PPP1R9A: variants seen among roughly 807,000 people sequenced by gnomAD.
The protein encoded by PPP1R9A is protein phosphatase 1 regulatory subunit 9A.
Under a neutral mutation model 141.9 loss-of-function variants are expected in PPP1R9A, and 59 were observed. The ratio of observed to expected loss-of-function variants is 0.42; its 90% confidence interval spans 0.34 to 0.52. The LOEUF is 0.52. Among genes scored for constraint, PPP1R9A ranks in the 20% least tolerant of loss-of-function variants. PPP1R9A has a pLI of 0.10. For missense variants in PPP1R9A, 1,444 were observed against 1,611.9 expected, an observed-to-expected ratio of 0.90 and a Z score of 1.78; for synonymous variants, 500 against 569.7, an observed-to-expected ratio of 0.88 and a Z score of 1.74.
chr7:94,961,445 G>A (rs551652994), intron 2 of PPP1R9A, among the ~76,000 whole-genome samples: 3 of 151,506 alleles, frequency 2.0e-5, no homozygotes, highest in East Asian at 1.9e-4. Context: ...TCATCGGGCC[G>A]GACAAATTCA....
chr7:95,273,180 A>G lies in PPP1R9A; in HGVS notation c.3125-719A>G, dbSNP rs117865523. On this transcript the variant is annotated intron_variant, in intron 14 of 19. Transcript: ENST00000433360. ...TGCTACCTTTGAGAGTCCTAGAGGC[A>G]AAGATCAGTCTGCTCTGAACACTGA... Among the ~76,000 whole-genome samples the G allele has an allele frequency of 8.2e-3, 1,251 of 152,274 alleles. 31 individuals are homozygous for G. Among genetic ancestry groups the G allele is most frequent in the Admixed American group, 0.05 (770 of 15,294 alleles).
intron 4 of PPP1R9A, among the ~76,000 whole-genome samples, chr7:95,131,376 C>T (rs1015991756): frequency 2.0e-5 from 3 of 152,164 alleles, no homozygotes; most frequent in African/African-American, 7.2e-5. Flanking sequence ...GTCCAATAAA[C>T]CTTTTTCCTT....
At chr7:94,922,226 G>A (rs1428772090) in intron 2 of PPP1R9A, among the ~76,000 whole-genome samples, 1 of 151,748 alleles carries the variant, frequency 6.6e-6, no homozygotes, top group African/African-American at 2.4e-5. Flanking sequence ...TTCAGAAAGG[G>A]TGTATTAGTT....
intron 5 of PPP1R9A, among the ~76,000 whole-genome samples, chr7:95,179,803 G>C (rs1386260938): frequency 3.1e-5 from 4 of 128,250 alleles, no homozygotes; most frequent in Admixed American, 8.0e-5. Flanking sequence ...AAAATACGTA[G>C]GAATATACCT....
chr7:95,090,732 C>G (rs1338263739), intron 2 of PPP1R9A, among the ~76,000 whole-genome samples: 3 of 151,834 alleles, frequency 2.0e-5, no homozygotes, highest in Non-Finnish European at 4.4e-5. Context: ...CGCTTGAACC[C>G]AGGAGCCAGA....
At chr7:95,077,980 T>TG (rs1400545168) in intron 2 of PPP1R9A, among the ~76,000 whole-genome samples, 6 of 148,968 alleles carry the variant, frequency 4.0e-5, no homozygotes, top group African/African-American at 2.6e-5. Context: ...TACTCTGTTT[T>TG]TTTTTTTTTT....
intron 2 of PPP1R9A, among the ~76,000 whole-genome samples, chr7:95,080,600 A>C (rs1015083969): frequency 5.9e-5 from 9 of 152,212 alleles, no homozygotes; most frequent in African/African-American, 2.2e-4. Flanking sequence ...TTTAAAGTTC[A>C]TATGGAACCA....
chr7:95,119,597 G>A lies in PPP1R9A; in HGVS notation c.1529-1115G>A, dbSNP rs140557629. Among the ~76,000 whole-genome samples, 832 of 152,116 alleles carry A rather than the reference G, an allele frequency of 5.5e-3. 6 individuals are homozygous for A. Among genetic ancestry groups the A allele is most frequent in the African/African-American group, 0.019 (787 of 41,506 alleles). On this transcript the variant is annotated intron_variant, in intron 3 of 19. Transcript: ENST00000433360. ...AGCCCCCAAACAGCTGGGACTACAG[G>A]TGTGCCCCACCATGCCCAGCTAATT...
At chr7:95,203,290 A>G (rs6946220) in intron 6 of PPP1R9A, among the ~76,000 whole-genome samples, 1,965 of 152,182 alleles carry the variant, frequency 0.013, 48 homozygotes, top group African/African-American at 0.044. Context: ...TTTGGTTTGC[A>G]TAAGTATTAA....
At position 94,986,861 on chromosome 7, in the gene PPP1R9A, C is replaced by CT. The variant is rs1194207520; in HGVS notation, c.1395+75359dup. Among the ~76,000 whole-genome samples, 3 of 152,294 alleles carry CT rather than the reference C, an allele frequency of 2.0e-5. No homozygotes were observed. In the East Asian group the frequency reaches 5.8e-4, roughly 29 times the overall value. The stretch of plus-strand genomic sequence containing the variant: ...CTAGTTTTAGGTAACTTTGTTTTGT[C>CT]TTTTTTATTATAAGATTGGCTTATG... On this transcript the variant is annotated intron_variant, in intron 2 of 19. Transcript: ENST00000433360.
At chr7:95,050,621 G>A (rs1237886605) in intron 2 of PPP1R9A, among the ~76,000 whole-genome samples, 1 of 152,176 alleles carries the variant, frequency 6.6e-6, no homozygotes, top group Non-Finnish European at 1.5e-5. Flanking sequence ...CAGCTACATG[G>A]GAGGCGAGGC....
chr7:95,227,632 A>C (rs148195438), intron 8 of PPP1R9A, among the ~76,000 whole-genome samples: 1 of 152,176 alleles, frequency 6.6e-6, no homozygotes, highest in Non-Finnish European at 1.5e-5. Context: ...AGTAGTTGCA[A>C]TAGAGACTGT....
In PPP1R9A at chr7:95,223,359, T is replaced by C. The variant is rs973266440; in HGVS notation, c.1957-2602T>C. On this transcript the variant is annotated intron_variant, in intron 7 of 19. Transcript: ENST00000433360. ...ACAAAGTGCAGCTAAAAGGTAAGAA[T>C]TGCATATGTTATGCATACCCTAATC... 2.6e-5 allele frequency among the ~76,000 whole-genome samples: 4 copies of C among 152,000 alleles called. No homozygotes were observed. The East Asian group carries it at 5.8e-4, about 22-fold the overall frequency.
chr7:95,129,376 C>T (rs1408592768), intron 4 of PPP1R9A, among the ~76,000 whole-genome samples: 1 of 152,166 alleles, frequency 6.6e-6, no homozygotes, highest in Admixed American at 6.5e-5. Context: ...TGTCTGCCGC[C>T]ATGTGAGATG....
In PPP1R9A at chr7:94,924,696, A is replaced by C. The variant is rs557210648; in HGVS notation, c.1395+13188A>C. ...GGCACGCACCACCATGCCTGGCTTA[A>C]TTTTTCTTTTTTTCGTAGAGACGGG... is the stretch of plus-strand genomic sequence containing the variant. On this transcript the variant is annotated intron_variant, in intron 2 of 19. Coordinates refer to ENST00000433360, the MANE Select transcript of PPP1R9A (RefSeq NM_001166160.2). 9.2e-5 allele frequency among the ~76,000 whole-genome samples: 14 copies of C among 151,946 alleles called. No individual in the cohort carries two copies. In the South Asian group the frequency reaches 2.9e-3, roughly 32 times the overall value.
chr7:94,916,341 C>T (rs1792075053), intron 2 of PPP1R9A, among the ~76,000 whole-genome samples: 1 of 152,180 alleles, frequency 6.6e-6, no homozygotes, highest in South Asian at 2.1e-4. Flanking sequence ...CTAACAAGCT[C>T]TCAAGTGGTG....
intron 6 of PPP1R9A, among the ~76,000 whole-genome samples, chr7:95,202,374 G>C (rs901318421): frequency 6.6e-6 from 1 of 151,612 alleles, no homozygotes; most frequent in African/African-American, 2.4e-5. Flanking sequence ...TGTTAAAATG[G>C]CTCTGCCTAA....
intron 2 of PPP1R9A, among the ~76,000 whole-genome samples, chr7:95,065,139 C>T (rs1467150506): frequency 1.3e-5 from 2 of 152,132 alleles, no homozygotes; most frequent in Non-Finnish European, 2.9e-5. Context: ...GCTCATAGCT[C>T]ACTGCAGCCT....
At chr7:94,999,776 A>ATTTTTTTT (rs369699969) in intron 2 of PPP1R9A, among the ~76,000 whole-genome samples, 3 of 129,376 alleles carry the variant, frequency 2.3e-5, no homozygotes, top group Admixed American at 8.0e-5. Flanking sequence ...GAGATATCTT[A>ATTTTTTTT]TTTTATTTAT....
Sources: allele counts gnomAD v4.1 joint callset (sites outside exome capture counted in the v4.1 genomes callset), GRCh38; gene constraint gnomAD v4.1.1; transcripts MANE v1.5; gene names NCBI Gene and HGNC (gene_info 2026-07-23, HGNC 2026-07-21).